AGPAT5: variants seen among roughly 807,000 people sequenced by gnomAD.
The protein encoded by AGPAT5 is 1-acylglycerol-3-phosphate O-acyltransferase 5.
AGPAT5 carries 46 observed loss-of-function variants against 45.6 expected under a neutral mutation model. The ratio of observed to expected loss-of-function variants is 1.01; its 90% CI spans 0.80 to 1.29. The LOEUF (loss-of-function observed/expected upper bound fraction) is 1.29. Ranked by LOEUF, AGPAT5 falls within the 50% of genes most tolerant of loss-of-function variation. AGPAT5 has a pLI of 0.00. For missense variants in AGPAT5, 673 were observed against 450.7 expected, an observed-to-expected ratio of 1.49 and a Z score of -4.47; for synonymous variants, 272 against 167.0, an observed-to-expected ratio of 1.63 and a Z score of -4.85.
intron 2 of AGPAT5, among the ~76,000 whole-genome samples, chr8:6,727,419 G>A (rs1800724271): frequency 6.6e-6 from 1 of 150,924 alleles, no homozygotes; most frequent in East Asian, 1.9e-4. Flanking sequence ...TTTCACTCTT[G>A]TTGCCCAGGC....
At chr8:6,724,762 G>T (rs368792695) in intron 1 of AGPAT5, 108 bp from the exon 2 acceptor site, 6 of 368,874 alleles carry the variant, frequency 1.6e-5, no homozygotes, top group African/African-American at 8.4e-5. Flanking sequence ...GTTAATCATG[G>T]ATGGAAATAT....
At chr8:6,753,350 C>A (rs774743030) in intron 6 of AGPAT5, among the ~76,000 whole-genome samples, 7 of 152,112 alleles carry the variant, frequency 4.6e-5, no homozygotes, top group Non-Finnish European at 1.0e-4. Context: ...CAGTGTTGAC[C>A]AGGTGATTAC....
At chr8:6,711,020 T>C (rs2116842587) in intron 1 of AGPAT5, among the ~76,000 whole-genome samples, 1 of 152,236 alleles carries the variant, frequency 6.6e-6, no homozygotes, top group South Asian at 2.1e-4. Context: ...GTTTTAGTAA[T>C]TTAAGAGGTT....
intron 5 of AGPAT5, 141 bp from the exon 6 acceptor site, chr8:6,747,529 G>C (rs535169335): frequency 7.9e-6 from 6 of 760,232 alleles, no homozygotes; most frequent in East Asian, 5.5e-5. Flanking sequence ...TCTAAACTTA[G>C]AGCCCTAAAT....
intron 6 of AGPAT5, among the ~76,000 whole-genome samples, chr8:6,752,975 C>G (rs1801706838): frequency 6.6e-6 from 1 of 152,182 alleles, no homozygotes. Context: ...ATAGCCCCAC[C>G]ATGGCTACGC....
intron 1 of AGPAT5, among the ~76,000 whole-genome samples, chr8:6,721,117 C>T (rs1171972098): frequency 1.3e-5 from 2 of 152,138 alleles, no homozygotes; most frequent in Non-Finnish European, 1.5e-5. Context: ...CTATTTTGAT[C>T]TTATTTCAGA....
rs1015021398 is a variant in AGPAT5, at chr8:6,759,477, A to G, written c.*2089A>G. 3 of 152,216 alleles carry G rather than the reference A, an allele frequency of 2.0e-5. No homozygotes were observed. Among genetic ancestry groups the G allele is most frequent in the Non-Finnish European group, 4.4e-5 (3 of 68,042 alleles). 9.4% of individuals were successfully genotyped at this position (152,216 alleles called of 1,614,324 possible). On this transcript the variant is annotated 3_prime_UTR_variant, in exon 8 of 8. Coordinates refer to ENST00000285518, the MANE Select transcript of AGPAT5 (RefSeq NM_018361.5). ...ACTTGAATTATTTTCTAAAATTAAGAGCCGTATACCTACCTGTAAGTCTTT... is the reference window on the plus strand; with the variant it reads ...ACTTGAATTATTTTCTAAAATTAAGGGCCGTATACCTACCTGTAAGTCTTT...
At chr8:6,742,022 A>G (rs1050902791) in intron 5 of AGPAT5, among the ~76,000 whole-genome samples, 2 of 152,192 alleles carry the variant, frequency 1.3e-5, no homozygotes, top group African/African-American at 4.8e-5. Flanking sequence ...CTATCTAAGT[A>G]CATGATTATG....
At chr8:6,753,085 A>G (rs962532747) in intron 6 of AGPAT5, among the ~76,000 whole-genome samples, 2 of 152,220 alleles carry the variant, frequency 1.3e-5, no homozygotes, top group African/African-American at 4.8e-5. Flanking sequence ...GAAATAATTA[A>G]CATACTCAAA....
intron 4 of AGPAT5, among the ~76,000 whole-genome samples, chr8:6,737,510 G>A (rs1332998875): frequency 6.6e-6 from 1 of 152,042 alleles, no homozygotes; most frequent in Non-Finnish European, 1.5e-5. Flanking sequence ...ATTATTGCTG[G>A]GACAATACAG....
At chr8:6,717,505 C>G (rs1298116596) in intron 1 of AGPAT5, among the ~76,000 whole-genome samples, 2 of 152,126 alleles carry the variant, frequency 1.3e-5, no homozygotes, top group Non-Finnish European at 2.9e-5. Context: ...TAAAGTAACA[C>G]ATAATTTAGC....
rs534775979 is a variant in AGPAT5, at chr8:6,720,392, C to G, written c.220-4478C>G. Reference sequence around the variant, plus strand: ...TAATGAAAACTACATCAGTGTAATTCCAGCATCATAAGTCAGAACAGTGCT... The same window carrying G: ...TAATGAAAACTACATCAGTGTAATTGCAGCATCATAAGTCAGAACAGTGCT... On this transcript the variant is annotated intron_variant, in intron 1 of 7. Coordinates refer to ENST00000285518, the MANE Select transcript of AGPAT5 (RefSeq NM_018361.5). Among the ~76,000 whole-genome samples, 9 of 152,278 alleles carry G rather than the reference C, an allele frequency of 5.9e-5. No individual in the cohort carries two copies. In the South Asian group the frequency reaches 1.9e-3, roughly 32 times the overall value.
At chr8:6,738,369 C>G (rs1015733803) in intron 4 of AGPAT5, 1 of 152,060 alleles carries the variant, frequency 6.6e-6, no homozygotes, top group Non-Finnish European at 1.5e-5. Context: ...GGAGAACAGG[C>G]CATCATTGGA....
At chr8:6,717,813 A>G (rs2928623) in intron 1 of AGPAT5, among the ~76,000 whole-genome samples, 115,000 of 152,132 alleles carry the variant, frequency 0.76, 44,725 homozygotes, top group African/African-American at 0.94. Context: ...GTAATTCCGT[A>G]GTTGATATTC....
Position 6,732,612 on chromosome 8 carries a change from C to T in AGPAT5, c.457C>T (p.Arg153Ter), listed in dbSNP as rs752941173. 1.2e-6 allele frequency: 2 copies of T among 1,610,718 alleles called. No homozygotes were observed. Among genetic ancestry groups the T allele is most frequent in the Non-Finnish European group, 1.7e-6 (2 of 1,179,068 alleles). The change falls in exon 4 of 8, where the codon CGA becomes TGA. Residue 153 changes from arginine to a stop codon, truncating the protein, a stop_gained. Transcript: ENST00000285518. LOFTEE classifies it high-confidence loss of function. ...TGCCAAATTTAACGAGAAAGAGATGCGAAACAAGTTGCAGAGCTACGTGGA... is the reference window on the plus strand; with the variant it reads ...TGCCAAATTTAACGAGAAAGAGATGTGAAACAAGTTGCAGAGCTACGTGGA... Reference protein sequence around the residue: ...RSAKFNEKEMRNKLQSYVDAG... With the variant: ...RSAKFNEKEM
At position 6,747,568 on chromosome 8, in the gene AGPAT5, G is replaced by T. The variant is rs557812535; in HGVS notation, c.587-102G>T. 5 of 1,096,298 alleles carry T rather than the reference G, an allele frequency of 4.6e-6. No individual in the cohort carries two copies. The East Asian group carries it at 1.3e-4, about 28-fold the overall frequency. The allele number at this position is 1,096,298 out of a possible 1,614,324, so 67.9% of individuals were successfully genotyped here. On this transcript the variant is annotated intron_variant, in intron 5 of 7. Transcript: ENST00000285518. ...TGAGGTTGTGGAATTAATAGATTCT[G>T]TTGTGTGTGTTTGAGGGAATTTAAA... is the stretch of plus-strand genomic sequence containing the variant.
At chr8:6,725,389 T>C (rs1389427692) in intron 2 of AGPAT5, among the ~76,000 whole-genome samples, 3 of 152,230 alleles carry the variant, frequency 2.0e-5, no homozygotes, top group Admixed American at 2.0e-4. Context: ...CTTTCCTTCT[T>C]CAAATGGGTT....
intron 1 of AGPAT5, among the ~76,000 whole-genome samples, chr8:6,714,844 C>T (rs764093487): frequency 7.9e-5 from 12 of 152,200 alleles, no homozygotes; most frequent in Admixed American, 5.2e-4. Context: ...AACAGCACTC[C>T]GTATATACCT....
At position 6,743,453 on chromosome 8, in the gene AGPAT5, C is replaced by G. The variant is rs947324855; in HGVS notation, c.586+1702C>G. On this transcript the variant is annotated intron_variant, in intron 5 of 7. Coordinates refer to ENST00000285518, the MANE Select transcript of AGPAT5 (RefSeq NM_018361.5). ...TAGAATTTATCCTTCCATGCATACACTCATATTTCTTGTCTTGGTAACTCC... is the reference window on the plus strand; with the variant it reads ...TAGAATTTATCCTTCCATGCATACAGTCATATTTCTTGTCTTGGTAACTCC... Among the ~76,000 whole-genome samples, 4 of 152,324 alleles carry G rather than the reference C, an allele frequency of 2.6e-5. No homozygotes were observed. In the South Asian group the frequency reaches 6.2e-4, roughly 24 times the overall value.
Sources: gnomAD v4.1 joint callset for allele counts (sites outside exome capture counted in the v4.1 genomes callset) on GRCh38, gnomAD v4.1.1 for gene constraint, MANE v1.5 for transcripts, NCBI Gene and HGNC (gene_info 2026-07-23, HGNC 2026-07-21) for gene names.